Variants in KSR2 observed in about 807,000 individuals in gnomAD.
The protein encoded by KSR2 is kinase suppressor of ras 2.
KSR2 carries 25 observed loss-of-function variants against 107.8 expected under a neutral mutation model. That is an observed-to-expected ratio of 0.23 (90% CI 0.17 to 0.32). The LOEUF is 0.32. Ranked by LOEUF, KSR2 falls within the 10% of genes least tolerant of loss-of-function variation. KSR2 has a pLI of 1.00. For synonymous variants in KSR2, 480 were observed against 507.0 expected, an observed-to-expected ratio of 0.95 and a Z score of 0.71; for missense variants, 887 against 1,268.9, an observed-to-expected ratio of 0.70 and a Z score of 4.57.
At chr12:117,725,301 G>A (rs1887381400) in intron 4 of KSR2, among the ~76,000 whole-genome samples, 1 of 152,198 alleles carries the variant, frequency 6.6e-6, no homozygotes, top group South Asian at 2.1e-4. Context: ...GTAAGACAGT[G>A]TCTTCAAGGC....
intron 1 of KSR2, among the ~76,000 whole-genome samples, chr12:117,959,908 G>A (rs1252546513): frequency 6.6e-6 from 1 of 151,142 alleles, no homozygotes; most frequent in African/African-American, 2.4e-5. Flanking sequence ...TGCAGCCTGG[G>A]TGACAGAGTG....
chr12:117,490,290 C>T (rs1872680663), intron 14 of KSR2, among the ~76,000 whole-genome samples: 1 of 152,242 alleles, frequency 6.6e-6, no homozygotes, highest in Non-Finnish European at 1.5e-5. Context: ...GCATTCACTA[C>T]TTGCTGGGTG....
At chr12:117,562,340 A>G (rs907758266) in intron 7 of KSR2, among the ~76,000 whole-genome samples, 7 of 152,132 alleles carry the variant, frequency 4.6e-5, no homozygotes, top group African/African-American at 1.7e-4. Context: ...AAGCCACTGA[A>G]GTTTTCTGAG....
In KSR2 at chr12:117,810,268, C is replaced by T. The variant is rs549078769; in HGVS notation, c.472+45160G>A. On this transcript the variant is annotated intron_variant, in intron 3 of 19. Transcript: ENST00000339824. ...AATCTGCACTCTACAGTATCTCCAT[C>T]AACTGCCAGTTTAATACGAAAATAA... Among the ~76,000 whole-genome samples the T allele has an allele frequency of 2.6e-5, 4 of 152,326 alleles. No individual in the cohort carries two copies. In the East Asian group the frequency reaches 7.7e-4, roughly 29 times the overall value.
chr12:117,830,326 G>A (rs1891912648), intron 3 of KSR2, among the ~76,000 whole-genome samples: 2 of 151,840 alleles, frequency 1.3e-5, no homozygotes, highest in Non-Finnish European at 2.9e-5. Flanking sequence ...CATAAAGATG[G>A]GAACAAAAGG....
intron 5 of KSR2, among the ~76,000 whole-genome samples, chr12:117,600,726 G>A (rs1383810459): frequency 1.3e-5 from 2 of 152,188 alleles, no homozygotes; most frequent in African/African-American, 4.8e-5. Context: ...ATGGGTGAAT[G>A]CTTAGAGCCA....
chr12:117,949,973 CTT>C (rs55671719), intron 1 of KSR2, among the ~76,000 whole-genome samples: 5 of 146,296 alleles, frequency 3.4e-5, no homozygotes, highest in African/African-American at 1.2e-4. Context: ...CTGCAATTTA[CTT>C]TTTTTTTTTT....
chr12:117,558,851 T>C (rs945860364), intron 7 of KSR2, among the ~76,000 whole-genome samples: 4 of 151,306 alleles, frequency 2.6e-5, no homozygotes, highest in African/African-American at 9.7e-5. Flanking sequence ...GCTGGACAGA[T>C]GGATGGATGG....
intron 9 of KSR2, among the ~76,000 whole-genome samples, chr12:117,541,115 G>T (rs973929595): frequency 1.3e-5 from 2 of 151,838 alleles, no homozygotes; most frequent in South Asian, 2.1e-4. Flanking sequence ...AGGCAGGCAG[G>T]GGGGAACAGT....
chr12:117,852,177 C>T (rs530080092), intron 3 of KSR2, among the ~76,000 whole-genome samples: 2 of 152,016 alleles, frequency 1.3e-5, no homozygotes, highest in South Asian at 2.1e-4. Context: ...AATCCTAGCA[C>T]TCTGGGAGGC....
At chr12:117,582,704 G>T (rs1380774570) in intron 5 of KSR2, among the ~76,000 whole-genome samples, 6 of 152,220 alleles carry the variant, frequency 3.9e-5, no homozygotes, top group African/African-American at 1.4e-4. Flanking sequence ...AAGAATAGGG[G>T]TTGCTAGCGT....
intron 3 of KSR2, among the ~76,000 whole-genome samples, chr12:117,790,535 T>A (rs908145605): frequency 3.3e-5 from 5 of 152,216 alleles, no homozygotes; most frequent in African/African-American, 1.2e-4. Flanking sequence ...CACCTGTGAA[T>A]ATCAGCTACC....
chr12:117,499,593 C>T (rs765391990), intron 14 of KSR2, among the ~76,000 whole-genome samples: 3 of 152,260 alleles, frequency 2.0e-5, no homozygotes, highest in East Asian at 1.9e-4. Context: ...TGTTACTCTG[C>T]GAGGAGAGGA....
chr12:117,673,707 C>T (rs1459930720), intron 4 of KSR2, among the ~76,000 whole-genome samples: 5 of 152,150 alleles, frequency 3.3e-5, no homozygotes, highest in East Asian at 3.8e-4. Flanking sequence ...ACACAAATGA[C>T]TGTTTCTAAT....
At chr12:117,519,269 T>C (rs61937215) in intron 14 of KSR2, among the ~76,000 whole-genome samples, 1 of 152,156 alleles carries the variant, frequency 6.6e-6, no homozygotes, top group African/African-American at 2.4e-5. Context: ...GTTTCCAAGG[T>C]GTGCCCGAAG....
intron 3 of KSR2, among the ~76,000 whole-genome samples, chr12:117,825,786 A>C (rs1891721385): frequency 1.3e-5 from 2 of 152,076 alleles, no homozygotes; most frequent in South Asian, 4.1e-4. Flanking sequence ...CTCAGTGTCT[A>C]TATATTAGAT....
At chr12:117,836,574 T>C (rs1892222762) in intron 3 of KSR2, among the ~76,000 whole-genome samples, 1 of 152,086 alleles carries the variant, frequency 6.6e-6, no homozygotes, top group Admixed American at 6.5e-5. Context: ...GAGGTTCCGA[T>C]AGGGAAGAGG....
At chr12:117,966,611 T>TCTCACA (rs1555262158) in intron 1 of KSR2, among the ~76,000 whole-genome samples, 69 of 77,252 alleles carry the variant, frequency 8.9e-4, no homozygotes, top group African/African-American at 3.3e-3. Flanking sequence ...TCTCTCTCTC[T>TCTCACA]CACACGCGCA....
In KSR2 at chr12:117,531,029, T is replaced by G. The variant is rs1353581856; in HGVS notation, c.1730-16A>C. ...GGCACCACATCTGAAAACCAGAGAT[T>G]GAACACTCAGAAAAAAAATGTGAAG... is the stretch of plus-strand genomic sequence containing the variant. On this transcript the variant is annotated splice_polypyrimidine_tract_variant and intron_variant, in intron 11 of 19. Coordinates refer to ENST00000339824, the MANE Select transcript of KSR2 (RefSeq NM_173598.6). 2 of 1,611,316 alleles carry G rather than the reference T, an allele frequency of 1.2e-6. No individual in the cohort carries two copies. The highest frequency in any genetic ancestry group is 8.5e-7 in the Non-Finnish European group (1 of 1,177,902).
Sources: allele counts gnomAD v4.1 joint callset (sites outside exome capture counted in the v4.1 genomes callset), GRCh38; gene constraint gnomAD v4.1.1; transcripts MANE v1.5; gene names NCBI Gene and HGNC (gene_info 2026-07-23, HGNC 2026-07-21).